The following EYA3 variants were observed in gnomAD, a reference collection of about 807,000 sequenced individuals.
The protein encoded by EYA3 is protein phosphatase EYA3.
In EYA3, 39 loss-of-function variants were observed where a neutral mutation model predicts 80.0. The observed-to-expected ratio is 0.49, with a 90% CI of 0.38 to 0.64. The LOEUF is 0.64. EYA3 is among the 30% of genes least tolerant of loss of function. EYA3 has a pLI of 0.00. For missense variants in EYA3, 523 were observed against 676.1 expected (o/e 0.77, Z 2.51); for synonymous variants, 206 against 232.8 (o/e 0.88, Z 1.05).
chr1:27,982,406 A>G (rs1639365361), intron 16 of EYA3, among the ~76,000 whole-genome samples: 1 of 151,756 alleles, frequency 6.6e-6, no homozygotes, highest in African/African-American at 2.4e-5. Context: ...TCAGCCACCC[A>G]AAGCCCTGGG....
At chr1:28,085,659 G>A (rs1645624167) in intron 1 of EYA3, among the ~76,000 whole-genome samples, 1 of 152,170 alleles carries the variant, frequency 6.6e-6, no homozygotes, top group African/African-American at 2.4e-5. Context: ...ATTTTAAATT[G>A]AGCCCTTAGG....
Position 28,007,922 on chromosome 1 carries a change from C to A in EYA3, c.909+3025G>T, listed in dbSNP as rs556733928. Among the ~76,000 whole-genome samples, 3 of 151,956 alleles carry A rather than the reference C, an allele frequency of 2.0e-5. No individual in the cohort carries two copies. The East Asian group carries it at 5.8e-4, about 29-fold the overall frequency. On this transcript the variant is annotated intron_variant, in intron 10 of 17. Coordinates refer to ENST00000373871, the MANE Select transcript of EYA3 (RefSeq NM_001990.4). ...AAATTCTTATGAATCTCAAGGAACC[C>A]CAAATAGCCAAAACTGTCTTGAAAT...
At chr1:28,033,726 C>T (rs1643286978) in intron 6 of EYA3, among the ~76,000 whole-genome samples, 1 of 150,740 alleles carries the variant, frequency 6.6e-6, no homozygotes, top group African/African-American at 2.4e-5. Context: ...ACCATCTCGG[C>T]TCACTGCAAC....
At chr1:27,988,384 T>G (rs571874742) in intron 16 of EYA3, 151 bp downstream of exon 16, 10 of 810,334 alleles carry the variant, frequency 1.2e-5, no homozygotes, top group Non-Finnish European at 1.9e-5. Flanking sequence ...TAAGCCTCAA[T>G]TGCATTACTG....
intron 10 of EYA3, among the ~76,000 whole-genome samples, chr1:28,004,746 C>G (rs1641148668): frequency 6.6e-6 from 1 of 151,326 alleles, no homozygotes; most frequent in South Asian, 2.1e-4. Context: ...ACAAATGATC[C>G]CAAATCTATG....
At chr1:28,068,478 T>A (rs886343652) in intron 1 of EYA3, among the ~76,000 whole-genome samples, 2 of 152,176 alleles carry the variant, frequency 1.3e-5, no homozygotes, top group African/African-American at 4.8e-5. Context: ...TATTTTAAAT[T>A]TAAACTCAAA....
At chr1:28,063,302 TA>T (rs750547946) in intron 1 of EYA3, among the ~76,000 whole-genome samples, 3,830 of 141,148 alleles carry the variant, frequency 0.027, 80 homozygotes, top group Non-Finnish European at 0.044. Context: ...TATATATATA[TA>T]TATTTTTTTT....
intron 10 of EYA3, among the ~76,000 whole-genome samples, chr1:28,006,768 G>A (rs1641306456): frequency 6.6e-6 from 1 of 151,850 alleles, no homozygotes; most frequent in Admixed American, 6.6e-5. Flanking sequence ...CACACCTAGT[G>A]GTGAAAGACT....
chr1:27,989,874 G>A (rs1639916008), intron 14 of EYA3, 63 bp from the exon 15 acceptor site: 14 of 947,554 alleles, frequency 1.5e-5, no homozygotes, highest in Admixed American at 4.8e-5. Context: ...CAGTGAGAAA[G>A]CAACTTCTAA....
chr1:28,026,760 G>GAA lies in EYA3; in HGVS notation c.499+1027_499+1028dup, dbSNP rs200588336. ...AAAGAAGGGGGAGAGGACAAGGGGAGAAAAAAAAAAAAGAAGAGGAAACAA... is the reference window on the plus strand; with the variant it reads ...AAAGAAGGGGGAGAGGACAAGGGGAGAAAAAAAAAAAAAAGAAGAGGAAACAA... On this transcript the variant is annotated intron_variant, in intron 7 of 17. Coordinates refer to ENST00000373871, the MANE Select transcript of EYA3 (RefSeq NM_001990.4). 4.6e-4 allele frequency among the ~76,000 whole-genome samples: 64 copies of GAA among 139,122 alleles called. No homozygotes were observed. The Middle Eastern group carries it at 0.011, about 25-fold the overall frequency. 91.3% of individuals were successfully genotyped at this position (139,122 alleles called of 152,430 possible). A position where few individuals can be genotyped will look rare whatever the true frequency, so the allele number is the denominator to read the frequency against.
rs574780778 is a variant in EYA3 at position 28,051,351 on chromosome 1, GA to G, written c.34-2926del. On this transcript the variant is annotated intron_variant, in intron 2 of 17. Coordinates refer to ENST00000373871, the MANE Select transcript of EYA3 (RefSeq NM_001990.4). ...TACTTGCAGTGAACAATTCAAAAAT[GA>G]AAAAAAAAATCCATTCACAATAGCA... Among the ~76,000 whole-genome samples the G allele has an allele frequency of 3.2e-3, 471 of 148,476 alleles. 2 individuals carry two copies. Among genetic ancestry groups the G allele is most frequent in the African/African-American group, 0.011 (428 of 40,518 alleles).
In EYA3 at chr1:28,042,557, A is replaced by C; in HGVS notation, c.157+14T>G. ...GGAATATCTGTTCAATCATGCACAG[A>C]ATATGGTACTTACTTTCCTCTGACA... is the stretch of plus-strand genomic sequence containing the variant. On this transcript the variant is annotated intron_variant, in intron 4 of 17. Transcript: ENST00000373871. The C allele has an allele frequency of 6.2e-7, 1 of 1,610,022 alleles. No homozygotes were observed. The highest frequency in any genetic ancestry group is 8.5e-7 in the Non-Finnish European group (1 of 1,176,284).
At chr1:28,033,879 C>T (rs1016689053) in intron 6 of EYA3, among the ~76,000 whole-genome samples, 1 of 150,872 alleles carries the variant, frequency 6.6e-6, no homozygotes. Context: ...AGGCTGGTCT[C>T]GAACTCCCGG....
chr1:28,024,583 G>T (rs763976186), intron 7 of EYA3, among the ~76,000 whole-genome samples: 4 of 151,850 alleles, frequency 2.6e-5, no homozygotes, highest in Non-Finnish European at 5.9e-5. Context: ...CTTGAACCCA[G>T]GAGGCAAAGG....
chr1:28,004,368 G>T lies in EYA3; in HGVS notation c.961C>A (p.Leu321Ile), dbSNP rs995017738. Residue 321 changes from leucine to isoleucine, a missense_variant, in exon 11 of 18, where the codon CTT (leucine) becomes ATT (isoleucine). This residue lies in a region of EYA3 where 219 missense variants were observed against 332.8 expected (regional missense o/e 0.66). Transcript: ENST00000373871. Reference sequence around the variant, plus strand: ...TATTTCTGGGCATAGGATCCAGTAAGAAGTGAGTGGAAGATGATGATGGTT... The same window carrying T: ...TATTTCTGGGCATAGGATCCAGTAATAAGTGAGTGGAAGATGATGATGGTT... ...DETIIIFHSL[L>I]TGSYAQKYGK... 1 of 1,607,310 alleles carries T rather than the reference G, an allele frequency of 6.2e-7. No homozygotes were observed.
At chr1:28,010,881 C>T in intron 10 of EYA3, 66 bp downstream of exon 10, 5 of 1,550,970 alleles carry the variant, frequency 3.2e-6, no homozygotes, top group Non-Finnish European at 4.4e-6. Flanking sequence ...GCTTCAAAAA[C>T]ATGTTTGATA....
chr1:28,004,491 G>C lies in EYA3; in HGVS notation c.910-72C>G. The C allele has an allele frequency of 2.8e-6, 3 of 1,086,674 alleles. 1 individual carries two copies. In the South Asian group the frequency reaches 4.2e-5, roughly 15 times the overall value. The allele number at this position is 1,086,674 out of a possible 1,614,324, so 67.3% of individuals were successfully genotyped here. A position where few individuals can be genotyped will look rare whatever the true frequency, so the allele number is the denominator to read the frequency against. ...GGAATGAAACCAGAAATCAATAACA[G>C]AAAGAGAACTGGGAAATTCATAAAT... On this transcript the variant is annotated intron_variant, in intron 10 of 17. Coordinates refer to ENST00000373871, the MANE Select transcript of EYA3 (RefSeq NM_001990.4).
chr1:28,044,357 A>C (rs944849921), intron 3 of EYA3, among the ~76,000 whole-genome samples: 1 of 152,232 alleles, frequency 6.6e-6, no homozygotes, highest in African/African-American at 2.4e-5. Context: ...ACGAGAATAA[A>C]AATGAAACCT....
At position 27,997,306 on chromosome 1, in the gene EYA3, A is replaced by G. The variant is rs1640527537; in HGVS notation, c.1142+14T>C. On this transcript the variant is annotated intron_variant, in intron 13 of 17. Coordinates refer to ENST00000373871, the MANE Select transcript of EYA3 (RefSeq NM_001990.4). ...ACAGGTGTACTGGTGTTCAAGAATC[A>G]TTATGTTTATCACCTCAAGTCTTGG... 1 of 1,612,618 alleles carries G rather than the reference A, an allele frequency of 6.2e-7. No individual in the cohort carries two copies. Among genetic ancestry groups the G allele is most frequent in the Non-Finnish European group, 8.5e-7 (1 of 1,178,624 alleles).
Sources: allele counts gnomAD v4.1 joint callset (sites outside exome capture counted in the v4.1 genomes callset), GRCh38; gene constraint gnomAD v4.1.1; regional missense constraint gnomAD v4.1.1; transcripts MANE v1.5; gene names NCBI Gene and HGNC (gene_info 2026-07-23, HGNC 2026-07-21).